Variants in SGCD observed in about 807,000 individuals in gnomAD.
The protein encoded by SGCD is delta-sarcoglycan.
A neutral mutation model predicts 36.6 loss-of-function variants in SGCD; 18 were observed. That is an observed-to-expected ratio of 0.49 (90% CI 0.34 to 0.73). The LOEUF is 0.73. SGCD is among the 30% of genes least tolerant of loss of function. The pLI is 0.01. For synonymous variants in SGCD, 133 were observed against 130.6 expected (o/e 1.02, Z -0.12); for missense variants, 387 against 346.7 (o/e 1.12, Z -0.92).
intron 3 of SGCD, among the ~76,000 whole-genome samples, chr5:156,422,781 A>G (rs996138694): frequency 2.0e-5 from 3 of 151,906 alleles, no homozygotes; most frequent in Non-Finnish European, 4.4e-5. Flanking sequence ...CCCCTACCCC[A>G]TTGTGATAAC....
intron 4 of SGCD, among the ~76,000 whole-genome samples, chr5:156,562,275 G>A (rs1188855176): frequency 5.3e-5 from 8 of 152,138 alleles, no homozygotes; most frequent in Non-Finnish European, 8.8e-5. Flanking sequence ...TGAAGGGCCC[G>A]GGTGAGTTTG....
At chr5:156,283,220 T>C (rs1766501484) in intron 3 of SGCD, among the ~76,000 whole-genome samples, 1 of 152,066 alleles carries the variant, frequency 6.6e-6, no homozygotes, top group Admixed American at 6.6e-5. Flanking sequence ...AAGGAGACAG[T>C]GATTGGTATT....
At chr5:156,306,038 C>T (rs541806945) in intron 3 of SGCD, among the ~76,000 whole-genome samples, 1 of 152,252 alleles carries the variant, frequency 6.6e-6, no homozygotes, top group East Asian at 1.9e-4. Context: ...CTTGCCTTGT[C>T]CCAGATGAGA....
At chr5:156,684,015 A>G (rs1476889721) in intron 7 of SGCD, among the ~76,000 whole-genome samples, 1 of 152,250 alleles carries the variant, frequency 6.6e-6, no homozygotes, top group Non-Finnish European at 1.5e-5. Flanking sequence ...TCTCGTGTAC[A>G]AAACTGTAGA....
chr5:156,228,645 G>A (rs948047538), intron 3 of SGCD, among the ~76,000 whole-genome samples: 1 of 152,126 alleles, frequency 6.6e-6, no homozygotes, highest in African/African-American at 2.4e-5. Context: ...TTCAATGTTA[G>A]TATTGAGATG....
chr5:156,417,041 C>A (rs1020174801), intron 3 of SGCD, among the ~76,000 whole-genome samples: 8 of 151,878 alleles, frequency 5.3e-5, no homozygotes, highest in Non-Finnish European at 8.8e-5. Context: ...TTTGTAGTGG[C>A]AGGAAGTAGA....
chr5:155,873,655 C>G (rs1755705581), intron 1 of SGCD, among the ~76,000 whole-genome samples: 1 of 152,102 alleles, frequency 6.6e-6, no homozygotes, highest in South Asian at 2.1e-4. Flanking sequence ...CCAAACTGCC[C>G]TTGTGCTTCC....
intron 3 of SGCD, among the ~76,000 whole-genome samples, chr5:156,200,532 A>G (rs1201636989): frequency 6.6e-6 from 1 of 152,178 alleles, no homozygotes; most frequent in African/African-American, 2.4e-5. Context: ...GAAGACCTAC[A>G]TTAAAAATGT....
the SGCD span, among the ~76,000 whole-genome samples, chr5:155,803,222 G>T: frequency 1.3e-5 from 2 of 152,292 alleles, no homozygotes; most frequent in African/African-American, 4.8e-5. Flanking sequence ...TAATGATACA[G>T]ATAATTCATT....
chr5:155,753,354 A>T, the SGCD span, among the ~76,000 whole-genome samples: 4 of 151,428 alleles, frequency 2.6e-5, no homozygotes, highest in East Asian at 7.7e-4. Context: ...AGAAAGAAAG[A>T]AATGGGTCTC....
At chr5:155,804,338 A>G in the SGCD span, among the ~76,000 whole-genome samples, 1 of 152,238 alleles carries the variant, frequency 6.6e-6, no homozygotes, top group Non-Finnish European at 1.5e-5. Flanking sequence ...TGACTTGTCC[A>G]CATTACCCTG....
chr5:155,782,304 C>T, the SGCD span, among the ~76,000 whole-genome samples: 3 of 152,084 alleles, frequency 2.0e-5, no homozygotes, highest in African/African-American at 7.2e-5. Context: ...GGATTACAGG[C>T]ATAAGCCACC....
chr5:156,165,794 A>G, intron 3 of SGCD, among the ~76,000 whole-genome samples: 1 of 152,198 alleles, frequency 6.6e-6, no homozygotes, highest in South Asian at 2.1e-4. Context: ...TGGCTTACTT[A>G]TTGCTTTTGG....
intron 3 of SGCD, among the ~76,000 whole-genome samples, chr5:156,252,147 C>G (rs1322596200): frequency 1.3e-5 from 2 of 151,588 alleles, no homozygotes; most frequent in Admixed American, 1.3e-4. Context: ...GGCTCACATC[C>G]ACCTCCGCCT....
intron 3 of SGCD, among the ~76,000 whole-genome samples, chr5:156,138,417 A>G (rs1762507042): frequency 6.6e-6 from 1 of 152,070 alleles, no homozygotes; most frequent in African/African-American, 2.4e-5. Context: ...AAACAAAACA[A>G]AACAACCCAA....
intron 4 of SGCD, among the ~76,000 whole-genome samples, chr5:156,521,334 A>G (rs1041546052): frequency 3.3e-5 from 5 of 152,112 alleles, no homozygotes; most frequent in Non-Finnish European, 4.4e-5. Flanking sequence ...AATTGCAACA[A>G]GAGCAAAAAA....
At chr5:155,773,168 C>G in the SGCD span, among the ~76,000 whole-genome samples, 2 of 152,112 alleles carry the variant, frequency 1.3e-5, no homozygotes, top group African/African-American at 4.8e-5. Flanking sequence ...CCTCTCCTGC[C>G]TTTTAGAAGT....
the SGCD span, among the ~76,000 whole-genome samples, chr5:155,789,807 G>A: frequency 2.0e-5 from 3 of 152,046 alleles, no homozygotes; most frequent in Non-Finnish European, 4.4e-5. Context: ...AGAATTCAGA[G>A]GTTGGTAGAA....
At chr5:156,090,849 A>G (rs528387074) in intron 1 of SGCD, among the ~76,000 whole-genome samples, 1 of 152,290 alleles carries the variant, frequency 6.6e-6, no homozygotes, top group African/African-American at 2.4e-5. Flanking sequence ...ATTCAGTGAT[A>G]TTTCTCCTAC....
Sources: gnomAD v4.1 joint callset for allele counts (sites outside exome capture counted in the v4.1 genomes callset) on GRCh38, gnomAD v4.1.1 for gene constraint, MANE v1.5 for transcripts, NCBI Gene and HGNC (gene_info 2026-07-23, HGNC 2026-07-21) for gene names.